TRIM5: variants seen among roughly 807,000 people sequenced by gnomAD.
TRIM5 encodes the protein tripartite motif containing 5.
TRIM5 carries 31 observed loss-of-function variants against 35.6 expected under a neutral mutation model. The observed-to-expected ratio is 0.87, with a 90% confidence interval of 0.65 to 1.18. TRIM5 has a LOEUF of 1.18. Ranked by LOEUF, TRIM5 falls within the 50% of genes most tolerant of loss-of-function variation. The pLI is 0.00. For missense variants in TRIM5, 609 were observed against 591.6 expected (o/e 1.03, Z -0.31); for synonymous variants, 243 against 215.6 (o/e 1.13, Z -1.11).
the TRIM5 span, among the ~76,000 whole-genome samples, chr11:5,604,373 A>C: frequency 1.3e-5 from 2 of 151,908 alleles, no homozygotes; most frequent in African/African-American, 4.8e-5. Flanking sequence ...TTTTCATCCC[A>C]TGTATATATA....
At chr11:5,620,085 T>C in the TRIM5 span, 4 of 151,786 alleles carry the variant, frequency 2.6e-5, no homozygotes, top group African/African-American at 9.7e-5. Context: ...GGTGGCAGTT[T>C]TTTTCCTGTG....
the TRIM5 span, among the ~76,000 whole-genome samples, chr11:5,645,418 A>T: frequency 6.6e-6 from 1 of 151,950 alleles, no homozygotes; most frequent in Admixed American, 6.6e-5. Context: ...AAACTGTGAA[A>T]AAAGTGGTTT....
At position 5,665,390 on chromosome 11, in the gene TRIM5, C is replaced by A; in HGVS notation, c.901G>T (p.Val301Leu). The A allele has an allele frequency of 6.2e-7, 1 of 1,601,946 alleles. No individual in the cohort carries two copies. Residue 301 changes from valine (V) to leucine (L), a missense_variant, in exon 8 of 8, where the codon GTG becomes TTG. Coordinates refer to ENST00000380034, the MANE Select transcript of TRIM5 (RefSeq NM_033034.3). The part of the protein sequence containing the change: ...LTDVRRYWVD[V>L]TVAPNNISCA... ...GAAATGTTGTTTGGAGCCACTGTCA[C>A]ATCAACTGTAGAAAAATTAACAGGT...
At chr11:5,642,391 T>C in the TRIM5 span, 2 of 1,609,776 alleles carry the variant, frequency 1.2e-6, no homozygotes, top group Non-Finnish European at 1.7e-6. Flanking sequence ...GTCAAAAAAT[T>C]TTTTTCATCC....
intron 5 of TRIM5, chr11:5,666,393 G>A (rs910353291): frequency 2.7e-5 from 7 of 257,470 alleles, no homozygotes; most frequent in East Asian, 8.2e-5. Context: ...AAAAAAAAAA[G>A]GATTTTAAAA....
At chr11:5,652,471 T>G in the TRIM5 span, among the ~76,000 whole-genome samples, 2 of 152,198 alleles carry the variant, frequency 1.3e-5, no homozygotes, top group African/African-American at 4.8e-5. Flanking sequence ...GATCAGATGG[T>G]TGCAGGCTTG....
At chr11:5,592,277 T>C in the TRIM5 span, among the ~76,000 whole-genome samples, 1 of 152,230 alleles carries the variant, frequency 6.6e-6, no homozygotes, top group African/African-American at 2.4e-5. Flanking sequence ...TTATAGTTAA[T>C]AATGCTACCT....
chr11:5,619,776 C>T, the TRIM5 span: 35,821 of 133,434 alleles, frequency 0.27, 4,762 homozygotes, highest in Middle Eastern at 0.33. Context: ...GATCTCGGCT[C>T]ACTGCAACCT....
chr11:5,667,311 A>G lies in TRIM5; in HGVS notation c.767+378T>C, dbSNP rs111530021. ...AACCTCTGCCTCCTGGATTCAAGCA[A>G]TTCTCCTGCCTCAGCCTCCCGAATA... On this transcript the variant is annotated intron_variant, in intron 5 of 7. Transcript: ENST00000380034. Among the ~76,000 whole-genome samples the G allele has an allele frequency of 4.6e-5, 7 of 152,072 alleles. No homozygotes were observed. The South Asian group carries it at 1.5e-3, about 32-fold the overall frequency.
chr11:5,653,175 T>C, the TRIM5 span, among the ~76,000 whole-genome samples: 2 of 152,178 alleles, frequency 1.3e-5, no homozygotes, highest in African/African-American at 4.8e-5. Context: ...TTGAGCAGTG[T>C]TTTCAAATTC....
the TRIM5 span, chr11:5,590,009 G>C: frequency 6.4e-6 from 1 of 156,126 alleles, no homozygotes; most frequent in African/African-American, 2.4e-5. Context: ...GCAACGAGGG[G>C]CTTAGCACCC....
the TRIM5 span, among the ~76,000 whole-genome samples, chr11:5,638,422 G>A: frequency 3.9e-5 from 6 of 152,174 alleles, no homozygotes; most frequent in African/African-American, 1.4e-4. Context: ...GGCAATTTTA[G>A]TTGTTGAACA....
At chr11:5,642,353 G>A in the TRIM5 span, 160 of 1,508,892 alleles carry the variant, frequency 1.1e-4, 3 homozygotes, top group East Asian at 2.4e-3. Flanking sequence ...GATGTGGGAG[G>A]GATGGACACA....
intron 4 of TRIM5, among the ~76,000 whole-genome samples, chr11:5,671,823 T>C (rs35388195): frequency 0.59 from 79,815 of 136,240 alleles, 24,262 homozygotes; most frequent in Non-Finnish European, 0.71. Flanking sequence ...TGGGGAAAAA[T>C]TGTTACATTC....
intron 5 of TRIM5, among the ~76,000 whole-genome samples, 168 bp downstream of exon 5, chr11:5,667,521 T>C (rs1038036182): frequency 6.6e-6 from 1 of 152,176 alleles, no homozygotes; most frequent in East Asian, 1.9e-4. Context: ...TTCTTAATAG[T>C]TATAGAACAT....
the TRIM5 span, among the ~76,000 whole-genome samples, chr11:5,638,804 G>C: frequency 6.6e-6 from 1 of 152,124 alleles, no homozygotes; most frequent in African/African-American, 2.4e-5. Flanking sequence ...TTTTTTCACA[G>C]TCCAATGAGA....
At chr11:5,601,066 C>T in the TRIM5 span, among the ~76,000 whole-genome samples, 1 of 152,152 alleles carries the variant, frequency 6.6e-6, no homozygotes, top group East Asian at 1.9e-4. Flanking sequence ...TCTCAACTGC[C>T]TTACCGGCCA....
In TRIM5 at chr11:5,678,452, G is replaced by A. The variant is rs1344907808; in HGVS notation, c.514-18C>T. ...ATTTGAGTCTTCAGAGATAAGAGAA[G>A]AGAAAGGGGCACTCAGTCTACCAGG... On this transcript the variant is annotated intron_variant, in intron 3 of 7. Coordinates refer to ENST00000380034, the MANE Select transcript of TRIM5 (RefSeq NM_033034.3). The A allele has an allele frequency of 6.7e-7, 1 of 1,491,908 alleles. No homozygotes were observed. The highest frequency in any genetic ancestry group is 2.1e-5 in the Admixed American group (1 of 47,114). The allele number at this position is 1,491,908 out of a possible 1,614,324, so 92.4% of individuals were successfully genotyped here. A position where few individuals can be genotyped will look rare whatever the true frequency, so the allele number is the denominator to read the frequency against.
intron 4 of TRIM5, among the ~76,000 whole-genome samples, chr11:5,675,539 C>T (rs983658653): frequency 1.3e-5 from 2 of 152,018 alleles, no homozygotes; most frequent in Non-Finnish European, 2.9e-5. Flanking sequence ...CATGATCCCA[C>T]CAAACCTCCT....
Sources: gnomAD v4.1 joint callset for allele counts (sites outside exome capture counted in the v4.1 genomes callset) on GRCh38, gnomAD v4.1.1 for gene constraint, MANE v1.5 for transcripts, NCBI Gene and HGNC (gene_info 2026-07-23, HGNC 2026-07-21) for gene names.